KCNH8: variants seen among roughly 807,000 people sequenced by gnomAD.
KCNH8 encodes the protein voltage-gated delayed rectifier potassium channel KCNH8.
KCNH8 carries 70 observed loss-of-function variants against 103.6 expected under a neutral mutation model. The ratio of observed to expected loss-of-function variants is 0.68; its 90% confidence interval spans 0.56 to 0.82. KCNH8 has a LOEUF of 0.82. KCNH8 is among the 40% of genes least tolerant of loss of function. KCNH8 has a pLI of 0.00. For missense variants in KCNH8, 1,217 were observed against 1,329.9 expected, an observed-to-expected ratio of 0.92 and a Z score of 1.32; for synonymous variants, 498 against 489.4, an observed-to-expected ratio of 1.02 and a Z score of -0.23.
At chr3:19,247,290 A>G (rs2064218642) in intron 1 of KCNH8, among the ~76,000 whole-genome samples, 1 of 152,220 alleles carries the variant, frequency 6.6e-6, no homozygotes, top group Non-Finnish European at 1.5e-5. Context: ...AGTACTATTA[A>G]TCTAATAAAG....
intron 7 of KCNH8, among the ~76,000 whole-genome samples, chr3:19,429,448 A>G (rs2125164506): frequency 6.6e-6 from 1 of 152,306 alleles, no homozygotes; most frequent in Non-Finnish European, 1.5e-5. Context: ...TGCTGGGATT[A>G]CAGGCGTGAG....
chr3:19,231,545 G>A (rs1026412739), intron 1 of KCNH8, among the ~76,000 whole-genome samples: 2 of 152,060 alleles, frequency 1.3e-5, no homozygotes, highest in Non-Finnish European at 2.9e-5. Context: ...GAAAAAGAGA[G>A]ATGGCATCTT....
intron 1 of KCNH8, among the ~76,000 whole-genome samples, chr3:19,197,835 C>CT (rs1184192050): frequency 6.6e-6 from 1 of 151,840 alleles, no homozygotes; most frequent in East Asian, 1.9e-4. Flanking sequence ...TCTTGGCTTA[C>CT]TTTTTTCCAA....
intron 11 of KCNH8, among the ~76,000 whole-genome samples, chr3:19,505,716 G>A (rs2068678428): frequency 6.6e-6 from 1 of 152,110 alleles, no homozygotes; most frequent in African/African-American, 2.4e-5. Context: ...TGTCTAGAGA[G>A]GATGGGAAGG....
intron 1 of KCNH8, among the ~76,000 whole-genome samples, chr3:19,242,911 C>T (rs1356297694): frequency 6.6e-6 from 1 of 152,158 alleles, no homozygotes; most frequent in Admixed American, 6.5e-5. Context: ...AAACAAAACC[C>T]ATTTAGATCC....
At chr3:19,255,754 A>C (rs1421665890) in intron 2 of KCNH8, among the ~76,000 whole-genome samples, 1 of 152,126 alleles carries the variant, frequency 6.6e-6, no homozygotes, top group Non-Finnish European at 1.5e-5. Flanking sequence ...CTAAAAAAAA[A>C]AGATAGTTCC....
intron 3 of KCNH8, among the ~76,000 whole-genome samples, chr3:19,304,492 A>G (rs779767573): frequency 2.0e-5 from 3 of 152,132 alleles, no homozygotes; most frequent in Non-Finnish European, 2.9e-5. Context: ...TACGATATTC[A>G]TGAAATAAAT....
intron 1 of KCNH8, among the ~76,000 whole-genome samples, chr3:19,204,480 A>C (rs899154572): frequency 6.6e-6 from 1 of 152,022 alleles, no homozygotes; most frequent in Non-Finnish European, 1.5e-5. Flanking sequence ...TTAAAAATAA[A>C]CAGACCTACT....
intron 11 of KCNH8, among the ~76,000 whole-genome samples, chr3:19,498,363 T>A (rs1318133035): frequency 6.6e-6 from 1 of 152,178 alleles, no homozygotes; most frequent in Non-Finnish European, 1.5e-5. Flanking sequence ...GTTTTTGTAG[T>A]GGCTGGTATG....
At chr3:19,333,316 T>C (rs1282517097) in intron 3 of KCNH8, among the ~76,000 whole-genome samples, 1 of 152,232 alleles carries the variant, frequency 6.6e-6, no homozygotes, top group African/African-American at 2.4e-5. Flanking sequence ...ATAAATGTGC[T>C]AATTTGAAGC....
chr3:19,196,484 A>G (rs916365920), intron 1 of KCNH8, among the ~76,000 whole-genome samples: 18 of 151,974 alleles, frequency 1.2e-4, no homozygotes, highest in Non-Finnish European at 2.1e-4. Flanking sequence ...TCTTGGCTTC[A>G]TTGGAAACCT....
intron 3 of KCNH8, among the ~76,000 whole-genome samples, chr3:19,287,572 T>TTTG (rs113159230): frequency 0.14 from 20,430 of 150,736 alleles, 1,889 homozygotes; most frequent in African/African-American, 0.26. Context: ...CAGTCCACTT[T>TTTG]TTGTTGTTGT....
At chr3:19,174,996 T>C (rs989099023) in intron 1 of KCNH8, among the ~76,000 whole-genome samples, 4 of 152,176 alleles carry the variant, frequency 2.6e-5, no homozygotes, top group Non-Finnish European at 5.9e-5. Context: ...AGTCAGAATA[T>C]GAAGTAGTAT....
At chr3:19,198,757 A>C (rs1418610757) in intron 1 of KCNH8, among the ~76,000 whole-genome samples, 2 of 152,092 alleles carry the variant, frequency 1.3e-5, no homozygotes, top group Non-Finnish European at 2.9e-5. Flanking sequence ...CTTAACACAA[A>C]GGAATGCACT....
At chr3:19,321,781 G>A (rs963877966) in intron 3 of KCNH8, among the ~76,000 whole-genome samples, 8 of 151,822 alleles carry the variant, frequency 5.3e-5, no homozygotes, top group Non-Finnish European at 1.5e-5. Flanking sequence ...GTGGGGTATT[G>A]AAGTCCCCCA....
intron 3 of KCNH8, among the ~76,000 whole-genome samples, chr3:19,283,803 C>T (rs1190105318): frequency 2.7e-5 from 4 of 150,840 alleles, no homozygotes; most frequent in Admixed American, 2.6e-4. Context: ...TTAGCCAGGT[C>T]ATGGTGGTGC....
chr3:19,347,734 G>A lies in KCNH8; in HGVS notation c.580G>A (p.Val194Ile). The A allele has an allele frequency of 1.2e-6, 2 of 1,612,730 alleles. No individual in the cohort carries two copies. The highest frequency in any genetic ancestry group is 1.3e-5 in the African/African-American group (1 of 74,920). The change falls in exon 5 of 16, where the codon GTA (valine) becomes ATA (isoleucine). Residue 194 changes from valine to isoleucine, a missense_variant. Physicochemically the swap from Val to Ile is conservative, Grantham distance 29 (BLOSUM62 3). Coordinates refer to ENST00000328405, the MANE Select transcript of KCNH8 (RefSeq NM_144633.3). ...NKLKINNNVF[V>I]DKPAFPEYKV... Reference sequence around the variant, plus strand: ...TTGTCTTCATCCACAGAATGTTTTTGTAGATAAACCAGCATTTCCGGAGTA... The same window carrying A: ...TTGTCTTCATCCACAGAATGTTTTTATAGATAAACCAGCATTTCCGGAGTA...
Position 19,451,272 on chromosome 3 carries a change from C to T in KCNH8, c.1693C>T (p.Leu565=). The T allele has an allele frequency of 6.8e-6, 11 of 1,613,990 alleles. No homozygotes were observed. The highest frequency in any genetic ancestry group is 9.3e-6 in the Non-Finnish European group (11 of 1,179,916). The part of the protein sequence containing the change: ...ASRGCLRSLS[L]HIKTSFCAPG... ...CCGGGGCTGCCTCAGGTCTCTGTCTCTACACATCAAAACCTCTTTCTGTGC... is the reference window on the plus strand; with the variant it reads ...CCGGGGCTGCCTCAGGTCTCTGTCTTTACACATCAAAACCTCTTTCTGTGC... The change falls in exon 10 of 16, where the codon CTA becomes TTA. Residue 565 remains leucine, a synonymous_variant. Transcript: ENST00000328405.
At chr3:19,313,519 T>C (rs1167322912) in intron 3 of KCNH8, among the ~76,000 whole-genome samples, 1 of 151,882 alleles carries the variant, frequency 6.6e-6, no homozygotes, top group East Asian at 1.9e-4. Context: ...AGAACCATAC[T>C]TACAGATTGG....
Sources: allele counts gnomAD v4.1 joint callset (sites outside exome capture counted in the v4.1 genomes callset), GRCh38; gene constraint gnomAD v4.1.1; transcripts MANE v1.5; gene names NCBI Gene and HGNC (gene_info 2026-07-23, HGNC 2026-07-21).